NALF1: variants seen among roughly 807,000 people sequenced by gnomAD.
The protein encoded by NALF1 is NALCN channel auxiliary factor 1, also known as family with sequence similarity 155 member A.
In NALF1, 3 loss-of-function variants were observed where a neutral mutation model predicts 48.4. That is an observed-to-expected ratio of 0.06 (90% CI 0.03 to 0.16). NALF1 has a LOEUF of 0.16. Ranked by LOEUF, NALF1 falls within the 10% of genes least tolerant of loss-of-function variation. The pLI is 1.00. For missense variants in NALF1, 526 were observed against 571.5 expected (o/e 0.92, Z 0.81); for synonymous variants, 262 against 245.7 (o/e 1.07, Z -0.62).
chr13:107,531,770 T>C (rs1228790118), intron 1 of NALF1, among the ~76,000 whole-genome samples: 1 of 152,126 alleles, frequency 6.6e-6, no homozygotes, highest in Non-Finnish European at 1.5e-5. Flanking sequence ...GTGTTGCAAG[T>C]AATTTTTCCA....
Position 107,632,667 on chromosome 13 carries a change from C to A in NALF1, c.915+233015G>T, listed in dbSNP as rs369526749. ...ACACAACAACAAAAAGTAAAAAATC[C>A]AAATTTTAGCTACATTTCATTCATT... On this transcript the variant is annotated intron_variant, in intron 1 of 2. Transcript: ENST00000375915. 1.5e-4 allele frequency among the ~76,000 whole-genome samples: 23 copies of A among 152,088 alleles called. No homozygotes were observed. The East Asian group carries it at 2.5e-3, about 17-fold the overall frequency.
chr13:107,508,534 A>G (rs1875773332), intron 1 of NALF1, among the ~76,000 whole-genome samples: 1 of 152,132 alleles, frequency 6.6e-6, no homozygotes, highest in Admixed American at 6.6e-5. Flanking sequence ...ATCTTGAGCA[A>G]GTCATTTAAT....
intron 1 of NALF1, among the ~76,000 whole-genome samples, chr13:107,230,477 T>G (rs1880197284): frequency 6.6e-6 from 1 of 152,158 alleles, no homozygotes; most frequent in Non-Finnish European, 1.5e-5. Flanking sequence ...ATATTGACGT[T>G]GTATTTATCT....
chr13:107,333,764 G>A (rs765842837), intron 1 of NALF1, among the ~76,000 whole-genome samples: 3 of 152,180 alleles, frequency 2.0e-5, no homozygotes, highest in Non-Finnish European at 2.9e-5. Context: ...AAGTCGAAGT[G>A]AAAGCAATCA....
chr13:107,315,355 G>C (rs561080785), intron 1 of NALF1, among the ~76,000 whole-genome samples: 6 of 152,020 alleles, frequency 3.9e-5, no homozygotes, highest in Non-Finnish European at 8.8e-5. Context: ...CCATGTGATG[G>C]ATGCAGCCAA....
At chr13:107,716,985 TAAAG>T (rs1353859847) in intron 1 of NALF1, among the ~76,000 whole-genome samples, 1 of 152,168 alleles carries the variant, frequency 6.6e-6, no homozygotes, top group Non-Finnish European at 1.5e-5. Context: ...GGAGTAAACT[TAAAG>T]ATCATCTCTT....
In NALF1 at chr13:107,356,146, C is replaced by A. The variant is rs114194019; in HGVS notation, c.916-145391G>T. 4.8e-3 allele frequency among the ~76,000 whole-genome samples: 733 copies of A among 152,204 alleles called. 5 individuals are homozygous for A. The highest frequency in any genetic ancestry group is 0.015 in the African/African-American group (632 of 41,522). ...CAGGTACAGTTAGCAGAGTTTAACA[C>A]CTCAGAAACTTCAGAGATTTTCTGT... On this transcript the variant is annotated intron_variant, in intron 1 of 2. Transcript: ENST00000375915.
intron 1 of NALF1, among the ~76,000 whole-genome samples, chr13:107,824,370 A>G (rs1431661045): frequency 3.3e-5 from 5 of 152,008 alleles, no homozygotes; most frequent in Non-Finnish European, 7.4e-5. Flanking sequence ...AATTAATGAG[A>G]AAAAAAACTA....
intron 1 of NALF1, among the ~76,000 whole-genome samples, chr13:107,631,468 T>A (rs1024950824): frequency 5.9e-5 from 9 of 152,204 alleles, no homozygotes; most frequent in African/African-American, 1.9e-4. Context: ...TAGTTTTGAT[T>A]TTTAGTTCGT....
intron 1 of NALF1, among the ~76,000 whole-genome samples, chr13:107,640,650 A>T (rs989333288): frequency 6.6e-6 from 1 of 152,196 alleles, no homozygotes; most frequent in African/African-American, 2.4e-5. Context: ...TATTTGCATA[A>T]ATAATTTTAT....
chr13:107,673,539 A>C (rs975143102), intron 1 of NALF1, among the ~76,000 whole-genome samples: 2 of 152,162 alleles, frequency 1.3e-5, no homozygotes, highest in Non-Finnish European at 2.9e-5. Context: ...TAAATAAATA[A>C]AAATAATCAG....
chr13:107,636,957 A>T (rs1035543285), intron 1 of NALF1, among the ~76,000 whole-genome samples: 15 of 151,052 alleles, frequency 9.9e-5, no homozygotes, highest in Admixed American at 9.3e-4. Flanking sequence ...GAGCCACATT[A>T]AGAACAGTGG....
At chr13:107,448,637 G>T (rs933851325) in intron 1 of NALF1, among the ~76,000 whole-genome samples, 5 of 152,104 alleles carry the variant, frequency 3.3e-5, no homozygotes, top group Non-Finnish European at 5.9e-5. Context: ...ATTCACTCAA[G>T]AAACATACAA....
chr13:107,419,041 T>C (rs1884140549), intron 1 of NALF1, among the ~76,000 whole-genome samples: 1 of 152,132 alleles, frequency 6.6e-6, no homozygotes, highest in African/African-American at 2.4e-5. Context: ...CAAATATAAA[T>C]AAATAATATG....
At chr13:107,653,913 T>C (rs554650682) in intron 1 of NALF1, among the ~76,000 whole-genome samples, 1 of 152,112 alleles carries the variant, frequency 6.6e-6, no homozygotes, top group South Asian at 2.1e-4. Flanking sequence ...CATTTGCAAC[T>C]CAGAAAACAG....
At chr13:107,675,845 A>G (rs1329331345) in intron 1 of NALF1, among the ~76,000 whole-genome samples, 1 of 152,152 alleles carries the variant, frequency 6.6e-6, no homozygotes, top group Non-Finnish European at 1.5e-5. Flanking sequence ...ATACATGGGG[A>G]TCTAAAAAAT....
intron 1 of NALF1, among the ~76,000 whole-genome samples, chr13:107,536,016 C>G (rs766570045): frequency 4.6e-5 from 7 of 152,114 alleles, no homozygotes; most frequent in Admixed American, 2.0e-4. Context: ...GGAAAACTGG[C>G]TAGCCATATG....
chr13:107,588,793 T>C (rs772072640), intron 1 of NALF1, among the ~76,000 whole-genome samples: 34 of 152,088 alleles, frequency 2.2e-4, no homozygotes, highest in Non-Finnish European at 3.8e-4. Context: ...GAATCAATCA[T>C]GTTTTCAGTG....
At chr13:107,633,316 G>C (rs542170641) in intron 1 of NALF1, among the ~76,000 whole-genome samples, 1 of 152,002 alleles carries the variant, frequency 6.6e-6, no homozygotes, top group East Asian at 1.9e-4. Flanking sequence ...GAGTACTCAA[G>C]AACTCATAGA....
Sources: allele counts gnomAD v4.1 joint callset (sites outside exome capture counted in the v4.1 genomes callset), GRCh38; gene constraint gnomAD v4.1.1; transcripts MANE v1.5; gene names NCBI Gene and HGNC (gene_info 2026-07-23, HGNC 2026-07-21).